Variants in EBF2 observed in about 807,000 individuals in gnomAD.
EBF2 encodes transcription factor COE2.
In EBF2, 21 loss-of-function variants were observed where a neutral mutation model predicts 72.8. The ratio of observed to expected loss-of-function variants is 0.29; its 90% confidence interval spans 0.20 to 0.42. The LOEUF (loss-of-function observed/expected upper bound fraction) is 0.42, where lower values mean the gene tolerates loss of function less well. EBF2 is among the 10% of genes least tolerant of loss of function. The pLI, the probability that EBF2 is intolerant of heterozygous loss-of-function variation, is 1.00. For synonymous variants in EBF2, 299 were observed against 274.2 expected, an observed-to-expected ratio of 1.09 and a Z score of -0.89; for missense variants, 637 against 731.2, an observed-to-expected ratio of 0.87 and a Z score of 1.49.
chr8:25,975,563 G>A (rs565995121), intron 6 of EBF2, among the ~76,000 whole-genome samples: 128 of 152,222 alleles, frequency 8.4e-4, no homozygotes, highest in African/African-American at 2.7e-3. Flanking sequence ...TTTATTAAAT[G>A]AAATATTTGA....
chr8:25,953,554 G>A (rs922173043), intron 6 of EBF2, among the ~76,000 whole-genome samples: 2 of 152,118 alleles, frequency 1.3e-5, no homozygotes, highest in African/African-American at 4.8e-5. Context: ...GTCCCATACC[G>A]CAGAGGAAAA....
chr8:25,848,594 G>A (rs1357081617), intron 15 of EBF2, among the ~76,000 whole-genome samples: 1 of 152,342 alleles, frequency 6.6e-6, no homozygotes, highest in East Asian at 1.9e-4. Context: ...TGTAGGCTCA[G>A]AGCCAGGTAA....
rs535045791 is a variant in EBF2 at position 25,961,374 on chromosome 8, T to G, written c.552-52819A>C. ...ACTTCAAATATGAGGTTTTTTGTTTTTTGTTTTGAGACGGAGTCTCACTCT... is the reference window on the plus strand; with the variant it reads ...ACTTCAAATATGAGGTTTTTTGTTTGTTGTTTTGAGACGGAGTCTCACTCT... On this transcript the variant is annotated intron_variant, in intron 6 of 15. Transcript: ENST00000520164. 6.8e-4 allele frequency among the ~76,000 whole-genome samples: 103 copies of G among 152,314 alleles called. 1 individual carries two copies. The highest frequency in any genetic ancestry group is 2.4e-3 in the African/African-American group (99 of 41,576).
chr8:25,893,184 T>C (rs932364165), intron 7 of EBF2, among the ~76,000 whole-genome samples: 1 of 151,566 alleles, frequency 6.6e-6, no homozygotes, highest in African/African-American at 2.4e-5. Context: ...ATTGTGTGTG[T>C]GAATGCATTT....
At chr8:25,893,056 C>A (rs1032526646) in intron 7 of EBF2, among the ~76,000 whole-genome samples, 2 of 152,012 alleles carry the variant, frequency 1.3e-5, no homozygotes, top group Non-Finnish European at 2.9e-5. Flanking sequence ...ATGTTACAGT[C>A]GAAGGGAGAG....
intron 6 of EBF2, among the ~76,000 whole-genome samples, chr8:26,015,610 T>A (rs1394715866): frequency 6.6e-6 from 1 of 152,238 alleles, no homozygotes; most frequent in Non-Finnish European, 1.5e-5. Context: ...TATAAGCCAG[T>A]CACTCTTGTT....
chr8:26,042,960 C>A (rs900352278), intron 1 of EBF2, among the ~76,000 whole-genome samples: 1 of 152,168 alleles, frequency 6.6e-6, no homozygotes, highest in African/African-American at 2.4e-5. Flanking sequence ...AATGAGATGA[C>A]CGACATAGGG....
intron 10 of EBF2, among the ~76,000 whole-genome samples, chr8:25,882,787 G>A (rs1802625587): frequency 6.6e-6 from 1 of 152,210 alleles, no homozygotes; most frequent in South Asian, 2.1e-4. Context: ...TAGTGTTTAT[G>A]TCAGTGCATT....
chr8:25,962,198 G>A (rs1437658227), intron 6 of EBF2, among the ~76,000 whole-genome samples: 2 of 152,082 alleles, frequency 1.3e-5, no homozygotes, highest in Admixed American at 6.6e-5. Flanking sequence ...AGCAAAAAGG[G>A]GGTCTAAATC....
intron 6 of EBF2, among the ~76,000 whole-genome samples, chr8:26,005,754 C>T (rs1479187505): frequency 2.0e-5 from 3 of 148,170 alleles, no homozygotes; most frequent in African/African-American, 7.5e-5. Flanking sequence ...TCACTTGAGC[C>T]TGGGAGGTGG....
At position 26,005,161 on chromosome 8, in the gene EBF2, C is replaced by G. The variant is rs150022364; in HGVS notation, c.551+27924G>C. 3.3e-3 allele frequency among the ~76,000 whole-genome samples: 437 copies of G among 133,314 alleles called. 3 individuals carry two copies. The highest frequency in any genetic ancestry group is 0.012 in the African/African-American group (405 of 34,908). The allele number at this position is 133,314 out of a possible 152,430, so 87.5% of individuals were successfully genotyped here. ...CGGTCATGGGAAAACCTATGGAACA[C>G]TGCTAAGAAGTTAGTTAGATATAAA... On this transcript the variant is annotated intron_variant, in intron 6 of 15. Transcript: ENST00000520164.
chr8:25,943,060 T>G (rs1803704542), intron 6 of EBF2, among the ~76,000 whole-genome samples: 1 of 152,164 alleles, frequency 6.6e-6, no homozygotes, highest in Non-Finnish European at 1.5e-5. Context: ...CCTGAGCACA[T>G]TGTCTCAACT....
chr8:25,957,692 A>ATGTGTG (rs1803972444), intron 6 of EBF2, among the ~76,000 whole-genome samples: 2 of 152,158 alleles, frequency 1.3e-5, no homozygotes, highest in African/African-American at 4.8e-5. Flanking sequence ...GCAAGACCCT[A>ATGTGTG]TCTCTACAAA....
At chr8:26,005,075 T>G (rs1215590197) in intron 6 of EBF2, among the ~76,000 whole-genome samples, 1 of 149,064 alleles carries the variant, frequency 6.7e-6, no homozygotes, top group Non-Finnish European at 1.5e-5. Context: ...GAAACACAAG[T>G]ACAATGGCAA....
intron 15 of EBF2, among the ~76,000 whole-genome samples, chr8:25,848,533 G>A (rs1350137685): frequency 1.3e-5 from 2 of 152,142 alleles, no homozygotes; most frequent in African/African-American, 2.4e-5. Flanking sequence ...CAGGAAGTGG[G>A]GTGGGGATGA....
At chr8:26,027,359 G>A (rs1805317140) in intron 6 of EBF2, among the ~76,000 whole-genome samples, 1 of 152,078 alleles carries the variant, frequency 6.6e-6, no homozygotes, top group Non-Finnish European at 1.5e-5. Context: ...TAGACAGCAG[G>A]AGAAGGGCCA....
At chr8:25,933,267 C>CTA (rs1803514220) in intron 6 of EBF2, among the ~76,000 whole-genome samples, 3 of 152,218 alleles carry the variant, frequency 2.0e-5, no homozygotes, top group Admixed American at 1.3e-4. Context: ...TCTGAACCAT[C>CTA]TATCAGCGCT....
At chr8:25,991,527 T>A (rs10090281) in intron 6 of EBF2, among the ~76,000 whole-genome samples, 2 of 152,022 alleles carry the variant, frequency 1.3e-5, no homozygotes, top group Admixed American at 6.6e-5. Flanking sequence ...GAACAAAGAC[T>A]GGAGGGGTCT....
chr8:25,844,757 G>A (rs1044287254), intron 15 of EBF2, 117 bp from the exon 16 acceptor site: 1 of 1,326,764 alleles, frequency 7.5e-7, no homozygotes, highest in African/African-American at 1.4e-5. Flanking sequence ...TCAAGGAGAT[G>A]GTGCCCTCAG....
Sources: allele counts gnomAD v4.1 joint callset (sites outside exome capture counted in the v4.1 genomes callset), GRCh38; gene constraint gnomAD v4.1.1; transcripts MANE v1.5; gene names NCBI Gene and HGNC (gene_info 2026-07-23, HGNC 2026-07-21).